The following ZNF461 variants were observed in gnomAD, a reference collection of about 807,000 sequenced individuals.
ZNF461 encodes the protein zinc finger protein 461.
In ZNF461, 16 loss-of-function variants were observed where a neutral mutation model predicts 18.3. The observed-to-expected ratio is 0.88, with a 90% CI of 0.59 to 1.33. ZNF461 has a LOEUF of 1.33. Ranked by LOEUF, ZNF461 falls within the 40% of genes most tolerant of loss-of-function variation. ZNF461 has a pLI of 0.00. For missense variants in ZNF461, 595 were observed against 669.9 expected (o/e 0.89, Z 1.23); for synonymous variants, 179 against 216.9 (o/e 0.83, Z 1.54).
chr19:36,655,977 T>C (rs917075824), intron 4 of ZNF461, among the ~76,000 whole-genome samples: 1 of 152,038 alleles, frequency 6.6e-6, no homozygotes. Context: ...GGGCTTTCTA[T>C]TCTATTCCTT....
rs376555510 is a variant in ZNF461 at position 36,639,240 on chromosome 19, G to A, written c.1105C>T (p.Arg369Cys). 4.2e-5 allele frequency: 68 copies of A among 1,613,880 alleles called. 1 individual carries two copies. The highest frequency in any genetic ancestry group is 8.0e-5 in the African/African-American group (6 of 74,952). The change falls in exon 6 of 6, where the codon CGC (arginine) becomes TGC (cysteine). Residue 369 changes from arginine to cysteine, a missense_variant. Arg to Cys is a radical substitution (Grantham distance 180, BLOSUM62 -3). Coordinates refer to ENST00000588268, the MANE Select transcript of ZNF461 (RefSeq NM_153257.5). Reference protein sequence around the residue: ...CKECGKTFRHRSHLTIHQRIH... With the variant: ...CKECGKTFRHCSHLTIHQRIH... ...CTCTGATGTATAGTAAGATGTGAGCGATGCCTAAAAGTCTTTCCACATTCT... is the reference window on the plus strand; with the variant it reads ...CTCTGATGTATAGTAAGATGTGAGCAATGCCTAAAAGTCTTTCCACATTCT...
chr19:36,662,817 G>C (rs1407655062), intron 2 of ZNF461, among the ~76,000 whole-genome samples: 1 of 151,962 alleles, frequency 6.6e-6, no homozygotes, highest in Non-Finnish European at 1.5e-5. Flanking sequence ...TCATTTTTTA[G>C]TGAATGTTCC....
intron 5 of ZNF461, among the ~76,000 whole-genome samples, chr19:36,642,404 G>A (rs1240442510): frequency 1.3e-5 from 2 of 152,232 alleles, no homozygotes; most frequent in African/African-American, 4.8e-5. Flanking sequence ...GCTTGGGACT[G>A]TAACAGCTGT....
chr19:36,643,989 A>G (rs1024412640), intron 4 of ZNF461, 127 bp from the exon 5 acceptor site: 17 of 717,930 alleles, frequency 2.4e-5, no homozygotes, highest in Middle Eastern at 5.0e-4. Context: ...CTGGAGTGCA[A>G]TCACACAATC....
In ZNF461 at chr19:36,656,517, T is replaced by C; in HGVS notation, c.163A>G (p.Ile55Val). 1 of 1,614,134 alleles carries C rather than the reference T, an allele frequency of 6.2e-7. No homozygotes were observed. Among genetic ancestry groups the C allele is most frequent in the African/African-American group, 1.3e-5 (1 of 75,042 alleles). Residue 55 changes from isoleucine to valine, a missense_variant, in exon 4 of 6, where the codon ATC becomes GTC. Coordinates refer to ENST00000588268, the MANE Select transcript of ZNF461 (RefSeq NM_153257.5). ...TCCTTCCCTTGCTCCAATGAGGAGA[T>C]TACGGCTGGCTTAGAAACAGAAAGT... ...LGLSVSKPAV[I>V]SSLEQGKEPW...
chr19:36,643,739 C>G (rs1235354021), intron 5 of ZNF461, 55 bp downstream of exon 5: 5 of 1,440,720 alleles, frequency 3.5e-6, no homozygotes, highest in East Asian at 5.5e-5. Context: ...CAGAAATTAG[C>G]TGACTTTGTT....
At chr19:36,657,460 A>G (rs577702826) in intron 3 of ZNF461, among the ~76,000 whole-genome samples, 1 of 151,326 alleles carries the variant, frequency 6.6e-6, no homozygotes, top group African/African-American at 2.4e-5. Context: ...AGCCTGGGCA[A>G]CAAAAGTGAA....
intron 4 of ZNF461, among the ~76,000 whole-genome samples, chr19:36,656,149 C>T (rs2037714189): frequency 6.6e-6 from 1 of 152,026 alleles, no homozygotes; most frequent in Non-Finnish European, 1.5e-5. Flanking sequence ...AGGCGCCCAC[C>T]ACTGCGCCCG....
chr19:36,654,398 G>A (rs1482241271), intron 4 of ZNF461, among the ~76,000 whole-genome samples: 1 of 152,050 alleles, frequency 6.6e-6, no homozygotes, highest in Non-Finnish European at 1.5e-5. Flanking sequence ...ACAGGGTCTT[G>A]CTCTGTTACC....
intron 4 of ZNF461, among the ~76,000 whole-genome samples, chr19:36,650,384 C>T (rs1165265424): frequency 6.6e-6 from 1 of 152,028 alleles, no homozygotes; most frequent in African/African-American, 2.4e-5. Flanking sequence ...ACTACCAATA[C>T]TCTACTAAGA....
chr19:36,660,809 A>G (rs2037805602), intron 2 of ZNF461, among the ~76,000 whole-genome samples: 1 of 152,042 alleles, frequency 6.6e-6, no homozygotes, highest in Non-Finnish European at 1.5e-5. Context: ...TACTAGATAA[A>G]ATCTTCAGTC....
At chr19:36,646,889 T>G (rs1377996644) in intron 4 of ZNF461, among the ~76,000 whole-genome samples, 3 of 152,238 alleles carry the variant, frequency 2.0e-5, no homozygotes, top group Non-Finnish European at 4.4e-5. Context: ...TATTTCATTT[T>G]TCCTAGATTT....
intron 4 of ZNF461, among the ~76,000 whole-genome samples, chr19:36,655,725 T>C (rs746237102): frequency 1.3e-5 from 2 of 152,258 alleles, no homozygotes; most frequent in African/African-American, 4.8e-5. Context: ...TTTGGTATTA[T>C]ACACAATAAA....
chr19:36,638,151 C>T lies in ZNF461; in HGVS notation c.*502G>A. 5.5e-6 allele frequency: 1 copy of T among 182,360 alleles called. No homozygotes were observed. Among genetic ancestry groups the T allele is most frequent in the Non-Finnish European group, 1.1e-5 (1 of 86,962 alleles). The allele number at this position is 182,360 out of a possible 1,614,324, so 11.3% of individuals were successfully genotyped here. A position where few individuals can be genotyped will look rare whatever the true frequency, so the allele number is the denominator to read the frequency against. On this transcript the variant is annotated 3_prime_UTR_variant, in exon 6 of 6. Coordinates refer to ENST00000588268, the MANE Select transcript of ZNF461 (RefSeq NM_153257.5). The stretch of plus-strand genomic sequence containing the variant: ...CATTCTAGAAATATTCTGAACCTTA[C>T]AAAGAATGGGTTACATCTTTACGTA...
At chr19:36,662,404 G>A (rs920633858) in intron 2 of ZNF461, among the ~76,000 whole-genome samples, 4 of 151,788 alleles carry the variant, frequency 2.6e-5, no homozygotes, top group African/African-American at 4.8e-5. Context: ...TTACAGATGC[G>A]CACCACGACA....
chr19:36,654,808 C>T (rs1207468854), intron 4 of ZNF461, among the ~76,000 whole-genome samples: 1 of 152,160 alleles, frequency 6.6e-6, no homozygotes, highest in African/African-American at 2.4e-5. Flanking sequence ...TCTCTACCTC[C>T]TCAATATAGT....
In ZNF461 at chr19:36,639,031, C is replaced by G; in HGVS notation, c.1314G>C (p.Glu438Asp). The part of the protein sequence containing the change: ...LTLHQRIHTG[E>D]KPYECKECGK... ...CACATTCCTTACACTCATAGGGTTT[C>G]TCACCAGTATGAATCCTCTGATGTA... The change falls in exon 6 of 6, where the codon GAG becomes GAC. Residue 438 changes from glutamate (E) to aspartate (D), a missense_variant. Glu to Asp is a conservative substitution (Grantham distance 45). Transcript: ENST00000588268. 1 of 1,614,030 alleles carries G rather than the reference C, an allele frequency of 6.2e-7. No homozygotes were observed. The highest frequency in any genetic ancestry group is 8.5e-7 in the Non-Finnish European group (1 of 1,180,018).
chr19:36,649,802 C>T (rs759783400), intron 4 of ZNF461, among the ~76,000 whole-genome samples: 9 of 152,028 alleles, frequency 5.9e-5, no homozygotes, highest in Admixed American at 1.3e-4. Flanking sequence ...TAGATTTAAT[C>T]GTTTCACAAC....
chr19:36,647,548 A>C (rs1055604392), intron 4 of ZNF461, among the ~76,000 whole-genome samples: 6 of 152,186 alleles, frequency 3.9e-5, no homozygotes, highest in Non-Finnish European at 7.3e-5. Context: ...CAAAAAAGCA[A>C]AAAATAAATA....
Sources: allele counts gnomAD v4.1 joint callset (sites outside exome capture counted in the v4.1 genomes callset), GRCh38; gene constraint gnomAD v4.1.1; transcripts MANE v1.5; gene names NCBI Gene and HGNC (gene_info 2026-07-23, HGNC 2026-07-21).